The following STRBP variants were observed in gnomAD, a reference collection of about 807,000 sequenced individuals.
STRBP encodes spermatid perinuclear RNA binding protein.
A neutral mutation model predicts 80.1 loss-of-function variants in STRBP; 13 were observed. The ratio of observed to expected loss-of-function variants is 0.16; its 90% confidence interval spans 0.11 to 0.26. STRBP has a LOEUF of 0.26. Among genes scored for constraint, STRBP ranks in the 10% least tolerant of loss-of-function variants. The probability of loss-of-function intolerance (pLI) is 1.00; values close to 1 mark genes in which losing one functional copy is unlikely to be tolerated. For synonymous variants in STRBP, 284 were observed against 291.2 expected, an observed-to-expected ratio of 0.98 and a Z score of 0.25; for missense variants, 485 against 815.2, an observed-to-expected ratio of 0.59 and a Z score of 4.93.
intron 2 of STRBP, among the ~76,000 whole-genome samples, chr9:123,221,531 G>A (rs1378209540): frequency 6.6e-6 from 1 of 152,190 alleles, no homozygotes; most frequent in Non-Finnish European, 1.5e-5. Flanking sequence ...TAACACTTGT[G>A]TACTCTTCAT....
intron 2 of STRBP, among the ~76,000 whole-genome samples, chr9:123,191,175 G>T (rs1450158997): frequency 6.6e-6 from 1 of 152,200 alleles, no homozygotes; most frequent in Non-Finnish European, 1.5e-5. Context: ...AGGCAACAGA[G>T]TAAGCACACA....
intron 2 of STRBP, among the ~76,000 whole-genome samples, chr9:123,185,560 G>A (rs2038663458): frequency 6.6e-6 from 1 of 152,128 alleles, no homozygotes; most frequent in Admixed American, 6.6e-5. Flanking sequence ...CCCACAGTAA[G>A]AGATATCTCA....
chr9:123,115,645 G>C lies in STRBP; in HGVS notation c.*84+284C>G. On this transcript the variant is annotated intron_variant and NMD_transcript_variant, in intron 3 of 3. Coordinates refer to the STRBP transcript ENST00000471564. This position sits in a 1 kb window ranked among gnomAD's most constrained non-coding sequence, Gnocchi z 5.0. ...GAATGGTTTTTCTCAATAAATCTACGTGCCCAAGAAGGGAGACATGGTCTT... is the reference window on the plus strand; with the variant it reads ...GAATGGTTTTTCTCAATAAATCTACCTGCCCAAGAAGGGAGACATGGTCTT... 2 of 335,508 alleles carry C rather than the reference G, an allele frequency of 6.0e-6. No individual in the cohort carries two copies. Among genetic ancestry groups the C allele is most frequent in the South Asian group, 4.8e-5 (2 of 41,408 alleles). 20.8% of individuals were successfully genotyped at this position (335,508 alleles called of 1,614,324 possible). A position where few individuals can be genotyped will look rare whatever the true frequency, so the allele number is the denominator to read the frequency against.
At chr9:123,223,357 TTAAA>T (rs1564315525) in intron 2 of STRBP, among the ~76,000 whole-genome samples, 1 of 152,158 alleles carries the variant, frequency 6.6e-6, no homozygotes, top group Admixed American at 6.5e-5. Context: ...AAATTATACT[TTAAA>T]TAATAACATA....
chr9:123,195,987 T>C (rs1348534852), intron 2 of STRBP, among the ~76,000 whole-genome samples: 2 of 152,150 alleles, frequency 1.3e-5, no homozygotes, highest in Admixed American at 6.5e-5. Flanking sequence ...AGCATAGTGC[T>C]GGCATAAAAA....
intron 2 of STRBP, among the ~76,000 whole-genome samples, chr9:123,223,031 G>A (rs2040115673): frequency 1.3e-5 from 2 of 150,406 alleles, no homozygotes; most frequent in South Asian, 4.2e-4. Context: ...AGACATGAAG[G>A]AAGCTCAGAT....
At chr9:123,155,914 G>C (rs1406696043) in intron 11 of STRBP, among the ~76,000 whole-genome samples, 1 of 151,786 alleles carries the variant, frequency 6.6e-6, no homozygotes, top group Non-Finnish European at 1.5e-5. Context: ...GAAAGTATTG[G>C]AGAGATCATT....
At chr9:123,229,781 G>A (rs1313729250) in intron 2 of STRBP, among the ~76,000 whole-genome samples, 1 of 152,156 alleles carries the variant, frequency 6.6e-6, no homozygotes, top group Non-Finnish European at 1.5e-5. Context: ...GATTTTAAAA[G>A]GAAGGGGTCG....
Position 123,233,498 on chromosome 9 carries a change from CA to C in STRBP, c.-165+3331del, listed in dbSNP as rs1374642365. ...GTCTGCAGCTTATTTTGAAATGAAG[CA>C]AAAAGTAAGATGTAATGAAGGTTAA... On this transcript the variant is annotated intron_variant, in intron 2 of 18. Coordinates refer to ENST00000348403, the MANE Select transcript of STRBP (RefSeq NM_018387.5). Among the ~76,000 whole-genome samples the C allele has an allele frequency of 5.3e-5, 8 of 151,882 alleles. 1 individual carries two copies. The highest frequency in any genetic ancestry group is 2.0e-4 in the Admixed American group (3 of 15,246).
chr9:123,197,667 CTTT>C (rs71388358), intron 2 of STRBP, among the ~76,000 whole-genome samples: 38 of 87,376 alleles, frequency 4.3e-4, no homozygotes, highest in African/African-American at 1.8e-3. Context: ...AAACATATTT[CTTT>C]TTTTTTTTTT....
Position 123,124,103 on chromosome 9 carries a change from T to G in STRBP, c.*1494A>C. The G allele has an allele frequency of 1.0e-6, 1 of 985,468 alleles. No individual in the cohort carries two copies. Among genetic ancestry groups the G allele is most frequent in the South Asian group, 4.7e-5 (1 of 21,284 alleles). 61.0% of individuals were successfully genotyped at this position (985,468 alleles called of 1,614,324 possible). A position where few individuals can be genotyped will look rare whatever the true frequency, so the allele number is the denominator to read the frequency against. On this transcript the variant is annotated 3_prime_UTR_variant, in exon 19 of 19. Transcript: ENST00000348403. Reference sequence around the variant, plus strand: ...TAACATTTGTTGTACATTGCCCATTTCACCTTTATTTAGTGGTCCCGAAGG... The same window carrying G: ...TAACATTTGTTGTACATTGCCCATTGCACCTTTATTTAGTGGTCCCGAAGG...
chr9:123,176,392 T>C (rs528672467), intron 4 of STRBP, among the ~76,000 whole-genome samples: 4 of 152,208 alleles, frequency 2.6e-5, no homozygotes, highest in Non-Finnish European at 5.9e-5. Context: ...GAAAACTGGA[T>C]CTGGAGTCAG....
At chr9:123,237,878 C>A (rs1184986875) in intron 1 of STRBP, among the ~76,000 whole-genome samples, 1 of 152,164 alleles carries the variant, frequency 6.6e-6, no homozygotes, top group East Asian at 1.9e-4. Flanking sequence ...GACAGTTTCC[C>A]AGAAAGGTGT....
At chr9:123,260,128 A>T (rs979391341) in intron 1 of STRBP, among the ~76,000 whole-genome samples, 1 of 152,218 alleles carries the variant, frequency 6.6e-6, no homozygotes, top group Non-Finnish European at 1.5e-5. Context: ...TAAAAAAAAT[A>T]GATGAAATAT....
At chr9:123,237,779 G>A (rs1157799015) in intron 1 of STRBP, among the ~76,000 whole-genome samples, 1 of 152,130 alleles carries the variant, frequency 6.6e-6, no homozygotes, top group Non-Finnish European at 1.5e-5. Context: ...CTTACAGCGG[G>A]AGAAAGGTGC....
chr9:123,147,704 T>A, intron 12 of STRBP, 74 bp downstream of exon 12: 3 of 913,678 alleles, frequency 3.3e-6, no homozygotes, highest in Non-Finnish European at 4.7e-6. Context: ...AAAAAACCCT[T>A]CACTTTTAAT....
intron 2 of STRBP, among the ~76,000 whole-genome samples, chr9:123,199,405 A>G (rs543887354): frequency 6.6e-6 from 1 of 152,262 alleles, no homozygotes; most frequent in East Asian, 1.9e-4. Flanking sequence ...TGTTTTTTCT[A>G]ATTCTGTGAA....
chr9:123,244,886 A>G (rs1259592656), intron 1 of STRBP, among the ~76,000 whole-genome samples: 1 of 152,256 alleles, frequency 6.6e-6, no homozygotes, highest in Non-Finnish European at 1.5e-5. Context: ...GTAATAGCCA[A>G]TATGGAAACA....
chr9:123,193,380 C>T (rs1219028526), intron 2 of STRBP, among the ~76,000 whole-genome samples: 1 of 152,128 alleles, frequency 6.6e-6, no homozygotes, highest in African/African-American at 2.4e-5. Context: ...TGGCAGTCAT[C>T]ACCACAGTGA....
Sources: gnomAD v4.1 joint callset for allele counts (sites outside exome capture counted in the v4.1 genomes callset) on GRCh38, gnomAD v4.1.1 for gene constraint, Gnocchi (gnomAD v3.1) non-coding constraint, MANE v1.5 for transcripts, NCBI Gene and HGNC (gene_info 2026-07-23, HGNC 2026-07-21) for gene names.